AK5: variants seen among roughly 807,000 people sequenced by gnomAD.
AK5 encodes adenylate kinase 5.
AK5 carries 27 observed loss-of-function variants against 69.5 expected under a neutral mutation model. The ratio of observed to expected loss-of-function variants is 0.39; its 90% CI spans 0.29 to 0.54. AK5 has a LOEUF of 0.54. AK5 is among the 20% of genes least tolerant of loss of function. The pLI is 0.71. For missense variants in AK5, 531 were observed against 700.4 expected (o/e 0.76, Z 2.73); for synonymous variants, 260 against 244.4 (o/e 1.06, Z -0.60).
At chr1:77,413,313 G>A (rs1293238328) in intron 7 of AK5, among the ~76,000 whole-genome samples, 5 of 152,066 alleles carry the variant, frequency 3.3e-5, no homozygotes, top group Non-Finnish European at 2.9e-5. Flanking sequence ...ACCCCATAGA[G>A]CCCCATCCTG....
At chr1:77,456,726 G>T (rs1009689389) in intron 8 of AK5, among the ~76,000 whole-genome samples, 3 of 152,102 alleles carry the variant, frequency 2.0e-5, no homozygotes, top group Non-Finnish European at 4.4e-5. Context: ...CATGCAGAAT[G>T]GGGAAGGAGT....
intron 11 of AK5, 91 bp from the exon 12 acceptor site, chr1:77,521,732 TCCTC>T: frequency 2.3e-6 from 2 of 868,162 alleles, no homozygotes; most frequent in Non-Finnish European, 3.8e-6. Context: ...ACCTGAACCT[TCCTC>T]CCTCCCTCAG....
chr1:77,283,253 A>C, intron 1 of AK5: 2 of 985,480 alleles, frequency 2.0e-6, no homozygotes, highest in Non-Finnish European at 2.4e-6. Context: ...ATTTGAATTT[A>C]AAAACATTCC....
intron 9 of AK5, among the ~76,000 whole-genome samples, chr1:77,485,058 C>T (rs1423405058): frequency 1.3e-5 from 2 of 152,192 alleles, no homozygotes; most frequent in Non-Finnish European, 2.9e-5. Context: ...AATGTAAACT[C>T]ACAGGCTAGA....
chr1:77,469,541 A>G (rs1570195501), intron 8 of AK5, among the ~76,000 whole-genome samples: 1 of 152,196 alleles, frequency 6.6e-6, no homozygotes, highest in East Asian at 1.9e-4. Context: ...GTGTAAGCCA[A>G]TTTCTTGCAA....
Position 77,385,706 on chromosome 1 carries a change from A to G in AK5, c.892-25275A>G, listed in dbSNP as rs1366346457. On this transcript the variant is annotated intron_variant, in intron 6 of 13. Coordinates refer to ENST00000354567, the MANE Select transcript of AK5 (RefSeq NM_174858.3). Reference sequence around the variant, plus strand: ...GGAGGTAACACAGGAAATGCGAGAAAACATTAGCAGCAGTCTAGTTACATC... The same window carrying G: ...GGAGGTAACACAGGAAATGCGAGAAGACATTAGCAGCAGTCTAGTTACATC... 2.6e-5 allele frequency among the ~76,000 whole-genome samples: 4 copies of G among 152,332 alleles called. No individual in the cohort carries two copies. The East Asian group carries it at 5.8e-4, about 22-fold the overall frequency.
At chr1:77,517,979 G>A (rs1353727) in intron 10 of AK5, among the ~76,000 whole-genome samples, 3,437 of 152,300 alleles carry the variant, frequency 0.023, 103 homozygotes, top group African/African-American at 0.079. Context: ...ACACTAAAAG[G>A]TTCTGGAGTA....
At chr1:77,540,989 C>G (rs190877589) in intron 13 of AK5, among the ~76,000 whole-genome samples, 1 of 152,232 alleles carries the variant, frequency 6.6e-6, no homozygotes, top group East Asian at 1.9e-4. Flanking sequence ...TCACTGCAAC[C>G]TCCACCTCCT....
Position 77,510,510 on chromosome 1 carries a change from G to T in AK5, c.1148-8054G>T, listed in dbSNP as rs148669436. On this transcript the variant is annotated intron_variant, in intron 10 of 13. Transcript: ENST00000354567. Reference sequence around the variant, plus strand: ...AAGAAATGGAAACAGGCAGTTTTCCGCTGCTAAAAAAAAGAAAAAGAAAGA... The same window carrying T: ...AAGAAATGGAAACAGGCAGTTTTCCTCTGCTAAAAAAAAGAAAAAGAAAGA... Among the ~76,000 whole-genome samples, 37 of 151,628 alleles carry T rather than the reference G, an allele frequency of 2.4e-4. No homozygotes were observed. The East Asian group carries it at 6.8e-3, about 28-fold the overall frequency.
chr1:77,499,870 AT>A (rs1178365313), intron 10 of AK5, among the ~76,000 whole-genome samples: 1 of 50,452 alleles, frequency 2.0e-5, no homozygotes, highest in African/African-American at 1.1e-4. Context: ...CCCTTTTTCC[AT>A]TTTTTTTTTT....
intron 6 of AK5, among the ~76,000 whole-genome samples, chr1:77,398,075 A>G (rs1648949037): frequency 6.6e-6 from 1 of 152,208 alleles, no homozygotes; most frequent in African/African-American, 2.4e-5. Flanking sequence ...TCTTACAATA[A>G]TTATGAACTG....
chr1:77,367,457 G>GGA (rs139757420), intron 6 of AK5, among the ~76,000 whole-genome samples: 107,087 of 144,394 alleles, frequency 0.74, 40,245 homozygotes, highest in East Asian at 0.82. Context: ...CAAGTAGCTA[G>GGA]GCGCATGCAC....
intron 5 of AK5, among the ~76,000 whole-genome samples, chr1:77,309,967 A>G (rs958886281): frequency 6.6e-6 from 1 of 151,920 alleles, no homozygotes; most frequent in Non-Finnish European, 1.5e-5. Flanking sequence ...TGTATTTTTC[A>G]TTATTTTCCC....
intron 10 of AK5, among the ~76,000 whole-genome samples, chr1:77,512,048 G>A (rs1304130049): frequency 1.3e-5 from 2 of 152,202 alleles, no homozygotes; most frequent in Non-Finnish European, 1.5e-5. Flanking sequence ...GGTCATTGGT[G>A]CTGAGGAGGC....
At chr1:77,349,052 G>A (rs760120145) in intron 6 of AK5, among the ~76,000 whole-genome samples, 37 of 151,976 alleles carry the variant, frequency 2.4e-4, no homozygotes, top group Non-Finnish European at 4.9e-4. Context: ...CCAAAAAAAA[G>A]AAGACAAAAT....
chr1:77,442,557 G>C (rs1557596660), intron 8 of AK5, among the ~76,000 whole-genome samples: 1 of 152,158 alleles, frequency 6.6e-6, no homozygotes, highest in East Asian at 1.9e-4. Context: ...TAGGGTGGTG[G>C]AAGTCAGGTG....
intron 5 of AK5, among the ~76,000 whole-genome samples, chr1:77,299,422 G>A (rs748978702): frequency 6.6e-6 from 1 of 152,076 alleles, no homozygotes; most frequent in Admixed American, 6.6e-5. Context: ...TCACATGAAA[G>A]AAGCCTGGAG....
intron 8 of AK5, among the ~76,000 whole-genome samples, chr1:77,482,683 G>C (rs1488769038): frequency 6.6e-6 from 1 of 151,406 alleles, no homozygotes; most frequent in Non-Finnish European, 1.5e-5. Flanking sequence ...TGAGGCCCAA[G>C]TTGTTTGAAC....
At chr1:77,289,031 A>G (rs1212648509) in intron 2 of AK5, among the ~76,000 whole-genome samples, 5 of 152,208 alleles carry the variant, frequency 3.3e-5, no homozygotes, top group Non-Finnish European at 1.5e-5. Context: ...TTACAATACC[A>G]AAGAGATTTT....
Sources: gnomAD v4.1 joint callset for allele counts (sites outside exome capture counted in the v4.1 genomes callset) on GRCh38, gnomAD v4.1.1 for gene constraint, MANE v1.5 for transcripts, NCBI Gene and HGNC (gene_info 2026-07-23, HGNC 2026-07-21) for gene names.